Variants in RGS4 observed in about 807,000 individuals in gnomAD.
RGS4 encodes schizophrenia disorder 9.
RGS4 carries 15 observed loss-of-function variants against 21.6 expected under a neutral mutation model. The observed-to-expected ratio is 0.69, with a 90% CI of 0.46 to 1.07. The LOEUF (loss-of-function observed/expected upper bound fraction) is 1.07. Among genes scored for constraint, RGS4 ranks in the 50% least tolerant of loss-of-function variants. The pLI is 0.00. For missense variants in RGS4, 237 were observed against 239.0 expected, an observed-to-expected ratio of 0.99 and a Z score of 0.06; for synonymous variants, 94 against 85.5, an observed-to-expected ratio of 1.10 and a Z score of -0.55.
At position 163,076,146 on chromosome 1, in the gene RGS4, G is replaced by C. The variant is rs1315036728; in HGVS notation, c.*1586G>C. On this transcript the variant is annotated 3_prime_UTR_variant, in exon 5 of 5. Transcript: ENST00000367909. ...TGAATTATTAATGAATGCCCAGGAAGTAATTTTCTTCTCATTCTTCTAAAA... is the reference window on the plus strand; with the variant it reads ...TGAATTATTAATGAATGCCCAGGAACTAATTTTCTTCTCATTCTTCTAAAA... The C allele has an allele frequency of 1.3e-5, 2 of 152,576 alleles. No individual in the cohort carries two copies. The highest frequency in any genetic ancestry group is 2.9e-5 in the Non-Finnish European group (2 of 68,036). 9.5% of individuals were successfully genotyped at this position (152,576 alleles called of 1,614,324 possible).
At position 163,075,192 on chromosome 1, in the gene RGS4, C is replaced by T. The variant is rs1655456905; in HGVS notation, c.*632C>T. The T allele has an allele frequency of 6.4e-6, 1 of 155,442 alleles. No individual in the cohort carries two copies. The highest frequency in any genetic ancestry group is 1.4e-5 in the Non-Finnish European group (1 of 70,162). The allele number at this position is 155,442 out of a possible 1,614,324, so 9.6% of individuals were successfully genotyped here. Reference sequence around the variant, plus strand: ...TAACTAGAGTATGTGTATGTACTTACATGGGTGTTTTGATCTCTGTTCTTT... The same window carrying T: ...TAACTAGAGTATGTGTATGTACTTATATGGGTGTTTTGATCTCTGTTCTTT... On this transcript the variant is annotated 3_prime_UTR_variant, in exon 5 of 5. Coordinates refer to ENST00000367909, the MANE Select transcript of RGS4 (RefSeq NM_005613.6).
Position 163,072,947 on chromosome 1 carries a change from G to C in RGS4, c.211+81G>C, listed in dbSNP as rs1655369624. The stretch of plus-strand genomic sequence containing the variant: ...GCTGGTCTAATAGAAACTGCAGCAA[G>C]GCCTGGCTTCTTTCTGATGTTCAGA... On this transcript the variant is annotated intron_variant, in intron 3 of 4. Transcript: ENST00000367909. 3 of 1,215,150 alleles carry C rather than the reference G, an allele frequency of 2.5e-6. No individual in the cohort carries two copies. In the South Asian group the frequency reaches 4.0e-5, roughly 16 times the overall value. 75.3% of individuals were successfully genotyped at this position (1,215,150 alleles called of 1,614,324 possible).
chr1:163,074,321 G>T lies in RGS4; in HGVS notation c.379G>T (p.Val127Leu). Reference protein sequence around the residue: ...EFISVQATKEVNLDSCTREET... With the variant: ...EFISVQATKELNLDSCTREET... ...TGAAGCCTTGGCCTTTGCCCCTCAG[G>T]TGAACCTGGATTCTTGCACCAGGGA... Residue 127 changes from valine to leucine, a missense_variant and splice_region_variant, in exon 5 of 5, where the codon GTG becomes TTG. Coordinates refer to ENST00000367909, the MANE Select transcript of RGS4 (RefSeq NM_005613.6). 6.2e-7 allele frequency: 1 copy of T among 1,613,668 alleles called. No homozygotes were observed.
At chr1:163,072,637 T>A (rs1188932100) in intron 2 of RGS4, 138 bp downstream of exon 2, 4 of 837,480 alleles carry the variant, frequency 4.8e-6, no homozygotes, top group Non-Finnish European at 7.6e-6. Context: ...AGATCATAAC[T>A]ACATTTGAAA....
chr1:163,074,415 A>G lies in RGS4; in HGVS notation c.473A>G (p.Asn158Ser). 1 of 1,613,900 alleles carries G rather than the reference A, an allele frequency of 6.2e-7. No individual in the cohort carries two copies. The highest frequency in any genetic ancestry group is 1.3e-5 in the African/African-American group (1 of 75,010). The change falls in exon 5 of 5, where the codon AAC becomes AGC. Residue 158 changes from asparagine to serine, a missense_variant. By Grantham distance (46) the Asn-to-Ser change is conservative. Coordinates refer to ENST00000367909, the MANE Select transcript of RGS4 (RefSeq NM_005613.6). ...CFDEAQKKIF[N>S]LMEKDSYRRF... The stretch of plus-strand genomic sequence containing the variant: ...GATGAGGCCCAGAAGAAGATTTTCA[A>G]CCTGATGGAGAAGGATTCCTACCGC...
At chr1:163,072,729 T>G in intron 2 of RGS4, 76 bp from the exon 3 acceptor site, 1 of 1,297,964 alleles carries the variant, frequency 7.7e-7, no homozygotes, top group Non-Finnish European at 1.1e-6. Context: ...TTGCCTTCAT[T>G]CAGGATCTTA....
At chr1:163,072,710 A>G in intron 2 of RGS4, 95 bp from the exon 3 acceptor site, 1 of 1,124,978 alleles carries the variant, frequency 8.9e-7, no homozygotes, top group Non-Finnish European at 1.3e-6. Flanking sequence ...ACGATGGAAA[A>G]TAAAATCTTT....
chr1:163,074,803 G>A lies in RGS4; in HGVS notation c.*243G>A. 1 of 626,586 alleles carries A rather than the reference G, an allele frequency of 1.6e-6. No individual in the cohort carries two copies. The highest frequency in any genetic ancestry group is 1.9e-5 in the South Asian group (1 of 51,952). 38.8% of individuals were successfully genotyped at this position (626,586 alleles called of 1,614,324 possible). A position where few individuals can be genotyped will look rare whatever the true frequency, so the allele number is the denominator to read the frequency against. ...CTAAGTTTCTTTGAGGGTTCCATGG[G>A]AGCAAATATCTAAATAATGGCCTGG... On this transcript the variant is annotated 3_prime_UTR_variant, in exon 5 of 5. Coordinates refer to ENST00000367909, the MANE Select transcript of RGS4 (RefSeq NM_005613.6).
chr1:163,069,342 C>A, upstream of RGS4: 2 of 1,553,160 alleles, frequency 1.3e-6, no homozygotes, highest in Non-Finnish European at 1.7e-6. Context: ...ATAAAAGAGA[C>A]CCCTACAGGC....
intron 4 of RGS4, 93 bp from the exon 5 acceptor site, chr1:163,074,228 G>T (rs750068825): frequency 1.8e-5 from 27 of 1,519,796 alleles, no homozygotes; most frequent in Non-Finnish European, 2.4e-5. Context: ...AATACAGAGG[G>T]TGCACTGCCA....
At chr1:163,071,968 C>T (rs1046401281) in intron 1 of RGS4, 1 of 984,168 alleles carries the variant, frequency 1.0e-6, no homozygotes, top group Non-Finnish European at 1.2e-6. Flanking sequence ...ATAGCAATCA[C>T]CTGCCAGAAG....
chr1:163,073,977 A>G, intron 4 of RGS4: 1 of 376,566 alleles, frequency 2.7e-6, no homozygotes, highest in Non-Finnish European at 4.7e-6. Flanking sequence ...AGAATAGTGG[A>G]GCTGACTATC....
chr1:163,071,278 A>C (rs1227687313), intron 1 of RGS4, among the ~76,000 whole-genome samples: 2 of 152,268 alleles, frequency 1.3e-5, no homozygotes, highest in East Asian at 3.9e-4. Context: ...TTTAAGGGAC[A>C]GTCAGAGAAC....
chr1:163,072,101 T>C (rs1655336095), intron 1 of RGS4: 1 of 1,091,288 alleles, frequency 9.2e-7, no homozygotes, highest in Non-Finnish European at 1.1e-6. Context: ...GATATTCGGT[T>C]GGTCAAAATG....
rs759161436 is a variant in RGS4, at chr1:163,069,579, TCA to T, written c.44+52_44+53del. The T allele has an allele frequency of 4.7e-6, 7 of 1,478,740 alleles. No individual in the cohort carries two copies. The South Asian group carries it at 8.2e-5, about 17-fold the overall frequency. 91.6% of individuals were successfully genotyped at this position (1,478,740 alleles called of 1,614,324 possible). A position where few individuals can be genotyped will look rare whatever the true frequency, so the allele number is the denominator to read the frequency against. On this transcript the variant is annotated intron_variant, in intron 1 of 4. Coordinates refer to ENST00000367909, the MANE Select transcript of RGS4 (RefSeq NM_005613.6). Reference sequence around the variant, plus strand: ...ATATTAAACTTTTGGCTAGACTTTCTCAGTTATTTACATGTTGTACTTACTAA... The same window carrying T: ...ATATTAAACTTTTGGCTAGACTTTCTGTTATTTACATGTTGTACTTACTAA...
At chr1:163,074,146 A>C in intron 4 of RGS4, 175 bp from the exon 5 acceptor site, 1 of 731,206 alleles carries the variant, frequency 1.4e-6, no homozygotes, top group Non-Finnish European at 2.3e-6. Flanking sequence ...AGAAAGGTTC[A>C]TTCTGAACCT....
chr1:163,069,011 G>T, upstream of RGS4: 1 of 1,596,466 alleles, frequency 6.3e-7, no homozygotes, highest in East Asian at 2.3e-5. Context: ...CAGAATTCCT[G>T]CTGGTACTTT....
intron 1 of RGS4, 44 bp from the exon 2 acceptor site, chr1:163,072,351 A>G: frequency 7.1e-7 from 1 of 1,413,942 alleles, no homozygotes; most frequent in Non-Finnish European, 9.9e-7. Context: ...CTTTTAAAGA[A>G]AGCTGGTTAT....
rs1397856269 is a variant in RGS4, at chr1:163,069,671, A to G, written c.44+143A>G. 5.8e-6 allele frequency: 4 copies of G among 690,262 alleles called. No individual in the cohort carries two copies. In the Admixed American group the frequency reaches 8.6e-5, roughly 15 times the overall value. 42.8% of individuals were successfully genotyped at this position (690,262 alleles called of 1,614,324 possible). A position where few individuals can be genotyped will look rare whatever the true frequency, so the allele number is the denominator to read the frequency against. On this transcript the variant is annotated intron_variant, in intron 1 of 4. Coordinates refer to ENST00000367909, the MANE Select transcript of RGS4 (RefSeq NM_005613.6). ...CACGACTTTCTAACTTTCCTCCAAG[A>G]CTAGCTAGATATTGTGACTTAAGAC...
Sources: allele counts gnomAD v4.1 joint callset (sites outside exome capture counted in the v4.1 genomes callset), GRCh38; gene constraint gnomAD v4.1.1; transcripts MANE v1.5; gene names NCBI Gene and HGNC (gene_info 2026-07-23, HGNC 2026-07-21).